MARCHF1: variants seen among roughly 807,000 people sequenced by gnomAD.
MARCHF1 encodes the protein E3 ubiquitin-protein ligase MARCHF1.
Under a neutral mutation model 54.2 loss-of-function variants are expected in MARCHF1, and 40 were observed. The ratio of observed to expected loss-of-function variants is 0.74; its 90% confidence interval spans 0.57 to 0.96. The LOEUF (loss-of-function observed/expected upper bound fraction) is 0.96, where lower values mean the gene tolerates loss of function less well. MARCHF1 is among the 40% of genes least tolerant of loss of function. MARCHF1 has a pLI of 0.00. For synonymous variants in MARCHF1, 236 were observed against 236.3 expected (o/e 1.00, Z 0.01); for missense variants, 586 against 656.5 (o/e 0.89, Z 1.17).
At chr4:163,568,193 A>T (rs1739714426) in intron 8 of MARCHF1, among the ~76,000 whole-genome samples, 1 of 152,178 alleles carries the variant, frequency 6.6e-6, no homozygotes, top group South Asian at 2.1e-4. Flanking sequence ...AACTATATAA[A>T]ATAGGCATTC....
intron 1 of MARCHF1, among the ~76,000 whole-genome samples, chr4:164,344,994 CTATGCTTGTCACTAAATCTAT>C (rs1730037115): frequency 6.6e-6 from 1 of 152,138 alleles, no homozygotes; most frequent in Non-Finnish European, 1.5e-5. Flanking sequence ...TGCTAAGCCA[CTATGCTTGTCACTAAATCTAT>C]AATTAGTAGG....
chr4:163,866,686 C>T (rs1467222921), intron 3 of MARCHF1, among the ~76,000 whole-genome samples: 1 of 151,638 alleles, frequency 6.6e-6, no homozygotes, highest in Non-Finnish European at 1.5e-5. Context: ...CATGGCCATA[C>T]TCACTTCTAA....
chr4:163,626,856 G>A (rs1741888966), intron 5 of MARCHF1, among the ~76,000 whole-genome samples: 1 of 152,082 alleles, frequency 6.6e-6, no homozygotes, highest in African/African-American at 2.4e-5. Context: ...GAACCTGGGA[G>A]GTGGAGGTTG....
chr4:164,176,981 T>C (rs111525075), intron 1 of MARCHF1, among the ~76,000 whole-genome samples: 14 of 27,436 alleles, frequency 5.1e-4, no homozygotes, highest in African/African-American at 2.4e-3. Context: ...TCTCTCTCTC[T>C]ATATATATAT....
At chr4:164,254,016 C>T (rs1733196428) in intron 1 of MARCHF1, among the ~76,000 whole-genome samples, 1 of 152,106 alleles carries the variant, frequency 6.6e-6, no homozygotes, top group Non-Finnish European at 1.5e-5. Context: ...GAAGGTGGTG[C>T]TACTGAAAAG....
At chr4:163,965,192 C>T (rs941732543) in intron 3 of MARCHF1, among the ~76,000 whole-genome samples, 2 of 151,930 alleles carry the variant, frequency 1.3e-5, no homozygotes, top group East Asian at 1.9e-4. Flanking sequence ...CAGGTACACA[C>T]AAACTGGTGG....
Position 164,125,203 on chromosome 4 carries a change from A to G in MARCHF1, c.-322-13541T>C, listed in dbSNP as rs187586314. Among the ~76,000 whole-genome samples, 226 of 152,304 alleles carry G rather than the reference A, an allele frequency of 1.5e-3. 5 individuals are homozygous for G. In the East Asian group the frequency reaches 0.039, roughly 26 times the overall value. ...CCTCAATATCAGGAAATTGACTACA[A>G]AATTTATTAGGTAAATATACTTATG... On this transcript the variant is annotated intron_variant, in intron 1 of 9. Coordinates refer to ENST00000514618, the MANE Select transcript of MARCHF1 (RefSeq NM_001394959.1).
At chr4:164,165,076 G>T (rs951479429) in intron 1 of MARCHF1, among the ~76,000 whole-genome samples, 1 of 151,924 alleles carries the variant, frequency 6.6e-6, no homozygotes, top group Non-Finnish European at 1.5e-5. Context: ...TTTAAAGAGC[G>T]CATGTCAGAT....
chr4:163,875,661 A>G (rs1375770553), intron 3 of MARCHF1, among the ~76,000 whole-genome samples: 3 of 152,100 alleles, frequency 2.0e-5, no homozygotes, highest in Non-Finnish European at 4.4e-5. Context: ...AAGTGAATCA[A>G]TTTTTCCATG....
intron 1 of MARCHF1, among the ~76,000 whole-genome samples, chr4:164,175,004 T>A (rs1730625700): frequency 6.6e-6 from 1 of 152,184 alleles, no homozygotes; most frequent in South Asian, 2.1e-4. Flanking sequence ...ATTTAGGATA[T>A]GTTTTGAACT....
chr4:164,108,908 A>G (rs1420577795), intron 2 of MARCHF1, among the ~76,000 whole-genome samples: 1 of 152,108 alleles, frequency 6.6e-6, no homozygotes, highest in African/African-American at 2.4e-5. Context: ...AAAAGTGCTT[A>G]TTAAAACATT....
At chr4:164,282,274 A>C (rs1205619264) in intron 1 of MARCHF1, among the ~76,000 whole-genome samples, 1 of 150,720 alleles carries the variant, frequency 6.6e-6, no homozygotes, top group Non-Finnish European at 1.5e-5. Context: ...TAATTTTACC[A>C]CTGCCTTCAC....
At chr4:163,632,557 A>C (rs1742137058) in intron 5 of MARCHF1, among the ~76,000 whole-genome samples, 1 of 152,150 alleles carries the variant, frequency 6.6e-6, no homozygotes, top group Non-Finnish European at 1.5e-5. Context: ...AAAACGGCGC[A>C]CCACAAGATT....
rs80337374 is a variant in MARCHF1, at chr4:163,973,045, T to C, written c.-39+15456A>G. Among the ~76,000 whole-genome samples, 1,420 of 152,254 alleles carry C rather than the reference T, an allele frequency of 9.3e-3. 22 individuals are homozygous for C. Among genetic ancestry groups the C allele is most frequent in the African/African-American group, 0.031 (1,306 of 41,544 alleles). ...TGTGGTATTAAAATAGATTGTCACA[T>C]CCTTTCAAAAAACATAGTGTTGCAA... On this transcript the variant is annotated intron_variant, in intron 3 of 9. Coordinates refer to ENST00000514618, the MANE Select transcript of MARCHF1 (RefSeq NM_001394959.1).
At chr4:164,210,622 T>C (rs868823837) in intron 1 of MARCHF1, among the ~76,000 whole-genome samples, 5 of 152,118 alleles carry the variant, frequency 3.3e-5, no homozygotes, top group Admixed American at 1.3e-4. Flanking sequence ...TATGTTATTA[T>C]ATGAATAAAG....
rs891834747 is a variant in MARCHF1, at chr4:163,842,726, T to A, written c.111+11295A>T. On this transcript the variant is annotated intron_variant, in intron 4 of 9. Coordinates refer to ENST00000514618, the MANE Select transcript of MARCHF1 (RefSeq NM_001394959.1). ...ATTTGCTTTTATCATGTTATTTTTC[T>A]ACCCTGTGTTTTGTAAAGTGAGTGA... 2.0e-5 allele frequency among the ~76,000 whole-genome samples: 3 copies of A among 152,348 alleles called. No individual in the cohort carries two copies. The East Asian group carries it at 5.8e-4, about 29-fold the overall frequency.
chr4:163,735,803 C>T (rs1394200006), intron 4 of MARCHF1, among the ~76,000 whole-genome samples: 1 of 152,112 alleles, frequency 6.6e-6, no homozygotes, highest in Admixed American at 6.6e-5. Flanking sequence ...TTAAATTTTT[C>T]CTTCTATTTT....
chr4:164,268,976 T>C (rs1174479854), intron 1 of MARCHF1, among the ~76,000 whole-genome samples: 2 of 152,166 alleles, frequency 1.3e-5, no homozygotes, highest in African/African-American at 4.8e-5. Context: ...TTATAATGAA[T>C]TATCTTTTAT....
At chr4:163,554,965 C>T (rs1022348185) in intron 8 of MARCHF1, among the ~76,000 whole-genome samples, 1 of 151,958 alleles carries the variant, frequency 6.6e-6, no homozygotes, top group Admixed American at 6.6e-5. Flanking sequence ...TGGTTTCTTT[C>T]AAGATTTTCA....
Sources: gnomAD v4.1 joint callset for allele counts (sites outside exome capture counted in the v4.1 genomes callset) on GRCh38, gnomAD v4.1.1 for gene constraint, MANE v1.5 for transcripts, NCBI Gene and HGNC (gene_info 2026-07-23, HGNC 2026-07-21) for gene names.